Variants in CACNA2D3 observed in about 807,000 individuals in gnomAD.
CACNA2D3 encodes calcium voltage-gated channel auxiliary subunit alpha2delta 3.
In CACNA2D3, 60 loss-of-function variants were observed where a neutral mutation model predicts 160.6. The observed-to-expected ratio is 0.37, with a 90% confidence interval of 0.30 to 0.46. CACNA2D3 has a LOEUF of 0.46. Among genes scored for constraint, CACNA2D3 ranks in the 20% least tolerant of loss-of-function variants. The pLI, the probability that CACNA2D3 is intolerant of heterozygous loss-of-function variation, is 1.00. For synonymous variants in CACNA2D3, 558 were observed against 492.9 expected, an observed-to-expected ratio of 1.13 and a Z score of -1.75; for missense variants, 1,205 against 1,365.0, an observed-to-expected ratio of 0.88 and a Z score of 1.85.
intron 4 of CACNA2D3, among the ~76,000 whole-genome samples, chr3:54,502,511 C>T (rs1482136927): frequency 1.3e-5 from 2 of 152,140 alleles, no homozygotes; most frequent in Non-Finnish European, 2.9e-5. Context: ...TTATATTACC[C>T]ATCTGTTCTT....
chr3:54,227,136 G>C (rs1232011914), intron 2 of CACNA2D3, among the ~76,000 whole-genome samples: 3 of 152,182 alleles, frequency 2.0e-5, no homozygotes, highest in African/African-American at 7.2e-5. Flanking sequence ...CTAACAACAT[G>C]AATAGAACAG....
intron 2 of CACNA2D3, among the ~76,000 whole-genome samples, chr3:54,230,591 C>G (rs1701750433): frequency 1.3e-5 from 2 of 152,224 alleles, no homozygotes; most frequent in African/African-American, 4.8e-5. Flanking sequence ...CTCTGTTGGA[C>G]TCTGTGGGAG....
chr3:54,413,803 T>A (rs1292737073), intron 4 of CACNA2D3, among the ~76,000 whole-genome samples: 1 of 151,640 alleles, frequency 6.6e-6, no homozygotes, highest in Non-Finnish European at 1.5e-5. Flanking sequence ...CTGATTATGT[T>A]TTTTTTTAAG....
Position 54,350,968 on chromosome 3 carries a change from GTTTTTTTTTTTTTGTTTGTTTT to G in CACNA2D3, c.321+30424_321+30445del, listed in dbSNP as rs1313660392. ...GCTTGGATTTTGAGATCTTGAGTCT[GTTTTTTTTTTTTTGTTTGTTTT>G]TTTTTTTTTTTTTTTTGAGACAGAG... is the stretch of plus-strand genomic sequence containing the variant. On this transcript the variant is annotated intron_variant, in intron 3 of 37. Coordinates refer to ENST00000474759, the MANE Select transcript of CACNA2D3 (RefSeq NM_018398.3). Among the ~76,000 whole-genome samples, 12 of 56,134 alleles carry G rather than the reference GTTTTTTTTTTTTTGTTTGTTTT, an allele frequency of 2.1e-4. 1 individual carries two copies. The highest frequency in any genetic ancestry group is 6.9e-4 in the South Asian group (1 of 1,456). 36.8% of individuals were successfully genotyped at this position (56,134 alleles called of 152,430 possible). A position where few individuals can be genotyped will look rare whatever the true frequency, so the allele number is the denominator to read the frequency against.
intron 2 of CACNA2D3, among the ~76,000 whole-genome samples, chr3:54,194,979 C>T (rs141774361): frequency 5.9e-4 from 90 of 152,308 alleles, no homozygotes; most frequent in African/African-American, 1.7e-3. Context: ...TTTCTCTCGC[C>T]GGTTGTACCT....
intron 9 of CACNA2D3, among the ~76,000 whole-genome samples, chr3:54,592,373 T>G (rs1388654371): frequency 6.6e-6 from 1 of 152,046 alleles, no homozygotes; most frequent in Non-Finnish European, 1.5e-5. Flanking sequence ...TTCTGTTAGG[T>G]TTTTGGTTTT....
At chr3:54,906,893 G>A (rs1484364974) in intron 27 of CACNA2D3, among the ~76,000 whole-genome samples, 1 of 152,194 alleles carries the variant, frequency 6.6e-6, no homozygotes, top group African/African-American at 2.4e-5. Context: ...CAGAGTTTGA[G>A]AGTGAGAGCT....
At chr3:54,214,019 G>T (rs1447106708) in intron 2 of CACNA2D3, among the ~76,000 whole-genome samples, 1 of 152,092 alleles carries the variant, frequency 6.6e-6, no homozygotes, top group Non-Finnish European at 1.5e-5. Context: ...CATTTTAAGT[G>T]GAAATATGGG....
chr3:54,626,700 A>AG (rs1387672810), intron 9 of CACNA2D3: 203 of 740,540 alleles, frequency 2.7e-4, no homozygotes, highest in Non-Finnish European at 3.7e-4. Flanking sequence ...AAAAAAAAAA[A>AG]AAAAAAAAAG....
chr3:54,463,531 C>G (rs1700548836), intron 4 of CACNA2D3, among the ~76,000 whole-genome samples: 2 of 152,184 alleles, frequency 1.3e-5, no homozygotes, highest in South Asian at 4.1e-4. Flanking sequence ...ATTTCATCTT[C>G]CATCACTGAT....
chr3:54,515,005 A>G (rs1026733725), intron 5 of CACNA2D3, among the ~76,000 whole-genome samples: 2 of 152,194 alleles, frequency 1.3e-5, no homozygotes, highest in Non-Finnish European at 1.5e-5. Context: ...AAGTTACTTG[A>G]TTATGGCATC....
At chr3:54,283,571 C>T (rs1702932805) in intron 2 of CACNA2D3, among the ~76,000 whole-genome samples, 1 of 152,174 alleles carries the variant, frequency 6.6e-6, no homozygotes, top group Admixed American at 6.5e-5. Context: ...CTCTGTGTTT[C>T]TGGCTTTCAT....
chr3:54,851,354 C>A (rs1699054041), intron 17 of CACNA2D3, among the ~76,000 whole-genome samples: 1 of 152,192 alleles, frequency 6.6e-6, no homozygotes, highest in African/African-American at 2.4e-5. Context: ...CTGGGCTGAG[C>A]AGCTGGGCTT....
chr3:54,813,629 G>A (rs1332940340), intron 13 of CACNA2D3, among the ~76,000 whole-genome samples: 1 of 152,048 alleles, frequency 6.6e-6, no homozygotes, highest in Non-Finnish European at 1.5e-5. Context: ...CTAGTAATAA[G>A]GTAGCTTATT....
intron 2 of CACNA2D3, among the ~76,000 whole-genome samples, chr3:54,294,317 A>G (rs1017732712): frequency 1.3e-5 from 2 of 152,212 alleles, no homozygotes; most frequent in African/African-American, 2.4e-5. Flanking sequence ...GAAGCCTTGC[A>G]TAACAAATGG....
intron 34 of CACNA2D3, among the ~76,000 whole-genome samples, chr3:55,012,032 C>A (rs1183655575): frequency 6.6e-6 from 1 of 152,176 alleles, no homozygotes; most frequent in Non-Finnish European, 1.5e-5. Context: ...GGACAAATCC[C>A]CTCTCCCTCT....
chr3:55,007,673 T>G, intron 32 of CACNA2D3, 117 bp from the exon 33 acceptor site: 1 of 669,420 alleles, frequency 1.5e-6, no homozygotes, highest in East Asian at 3.2e-5. Flanking sequence ...CCACTGTTTT[T>G]TAACATGATA....
intron 2 of CACNA2D3, among the ~76,000 whole-genome samples, chr3:54,279,827 G>T (rs975474837): frequency 6.6e-6 from 1 of 152,170 alleles, no homozygotes; most frequent in Admixed American, 6.5e-5. Flanking sequence ...ACTCCATGTG[G>T]TTGGTAGACT....
intron 11 of CACNA2D3, among the ~76,000 whole-genome samples, chr3:54,666,142 G>T (rs1345564414): frequency 6.6e-6 from 1 of 152,004 alleles, no homozygotes; most frequent in African/African-American, 2.4e-5. Flanking sequence ...GGAATAAGAG[G>T]GTTTGCCTCC....
Sources: allele counts gnomAD v4.1 joint callset (sites outside exome capture counted in the v4.1 genomes callset), GRCh38; gene constraint gnomAD v4.1.1; transcripts MANE v1.5; gene names NCBI Gene and HGNC (gene_info 2026-07-23, HGNC 2026-07-21).